Variants in EYS observed in about 807,000 individuals in gnomAD.
The protein encoded by EYS is EGF-like photoreceptor maintenance factor.
In EYS, 250 loss-of-function variants were observed where a neutral mutation model predicts 282.1. The ratio of observed to expected loss-of-function variants is 0.89; its 90% confidence interval spans 0.80 to 0.98. The LOEUF is 0.98. EYS is among the 50% of genes least tolerant of loss of function. The probability of loss-of-function intolerance (pLI) is 0.00; values close to 1 mark genes in which losing one functional copy is unlikely to be tolerated. For synonymous variants in EYS, 1,355 were observed against 1,282.9 expected (o/e 1.06, Z -1.20); for missense variants, 4,016 against 3,709.0 (o/e 1.08, Z -2.15).
intron 26 of EYS, among the ~76,000 whole-genome samples, chr6:64,493,600 C>G (rs1401528916): frequency 6.6e-6 from 1 of 151,516 alleles, no homozygotes; most frequent in Middle Eastern, 3.2e-3. Context: ...GAATGTTCTC[C>G]TCCCTTTTGT....
chr6:65,253,269 C>T (rs1424221200), intron 12 of EYS, among the ~76,000 whole-genome samples: 2 of 151,960 alleles, frequency 1.3e-5, no homozygotes, highest in African/African-American at 2.4e-5. Context: ...TAATCTATTC[C>T]AATCTGCCAG....
intron 31 of EYS, among the ~76,000 whole-genome samples, chr6:64,098,640 G>A (rs140210386): frequency 0.042 from 6,163 of 147,578 alleles, 379 homozygotes; most frequent in African/African-American, 0.14. Context: ...TTGCTCTGTC[G>A]CCCAGGCTGG....
At chr6:65,324,658 C>T (rs1769569646) in intron 11 of EYS, among the ~76,000 whole-genome samples, 1 of 152,202 alleles carries the variant, frequency 6.6e-6, no homozygotes, top group African/African-American at 2.4e-5. Context: ...AGTGAATTCA[C>T]AAGAAAGAGG....
intron 22 of EYS, among the ~76,000 whole-genome samples, chr6:64,714,040 C>A (rs1052777972): frequency 6.6e-6 from 1 of 152,068 alleles, no homozygotes; most frequent in South Asian, 2.1e-4. Context: ...TAATAGCAAG[C>A]TAAATATGTT....
intron 11 of EYS, among the ~76,000 whole-genome samples, chr6:65,324,525 G>C (rs1769565681): frequency 6.6e-6 from 1 of 152,178 alleles, no homozygotes; most frequent in Admixed American, 6.5e-5. Flanking sequence ...CGCTTGCCTT[G>C]CTGAGATTAG....
intron 22 of EYS, among the ~76,000 whole-genome samples, chr6:64,723,110 T>C (rs1253800827): frequency 6.6e-6 from 1 of 151,160 alleles, no homozygotes; most frequent in Non-Finnish European, 1.5e-5. Context: ...GAAACTGGTT[T>C]AAGAACACAC....
chr6:63,811,909 C>T (rs1771056843), intron 36 of EYS, among the ~76,000 whole-genome samples: 1 of 152,142 alleles, frequency 6.6e-6, no homozygotes, highest in Admixed American at 6.5e-5. Context: ...AAATATATCC[C>T]AAATTACACT....
At chr6:64,506,335 T>C (rs1194796193) in intron 26 of EYS, among the ~76,000 whole-genome samples, 1 of 152,120 alleles carries the variant, frequency 6.6e-6, no homozygotes, top group African/African-American at 2.4e-5. Context: ...GCTGAAAAAG[T>C]TAAATTTAAA....
At chr6:64,294,895 T>G (rs1483957737) in intron 30 of EYS, among the ~76,000 whole-genome samples, 1 of 152,190 alleles carries the variant, frequency 6.6e-6, no homozygotes, top group Non-Finnish European at 1.5e-5. Flanking sequence ...AAGGGGGGTA[T>G]GCATAATGTA....
At chr6:64,059,403 TAC>T (rs1364128256) in intron 33 of EYS, among the ~76,000 whole-genome samples, 1 of 152,202 alleles carries the variant, frequency 6.6e-6, no homozygotes, top group Non-Finnish European at 1.5e-5. Flanking sequence ...CAAATGTGAT[TAC>T]AGAGTCAAGT....
At chr6:64,570,669 A>G (rs1765695892) in intron 26 of EYS, among the ~76,000 whole-genome samples, 1 of 152,164 alleles carries the variant, frequency 6.6e-6, no homozygotes, top group South Asian at 2.1e-4. Context: ...ACCAACAAAG[A>G]TCAAAAAAGA....
chr6:64,321,580 C>T (rs1054680986), intron 29 of EYS, among the ~76,000 whole-genome samples: 1 of 151,778 alleles, frequency 6.6e-6, no homozygotes, highest in Non-Finnish European at 1.5e-5. Flanking sequence ...ATATTCCATG[C>T]TATGAATATT....
chr6:64,142,635 G>A (rs1337039329), intron 31 of EYS, among the ~76,000 whole-genome samples: 1 of 152,138 alleles, frequency 6.6e-6, no homozygotes, highest in Non-Finnish European at 1.5e-5. Flanking sequence ...AAGGAGTCAT[G>A]ATCAACCTTA....
At chr6:64,961,381 A>C (rs990634301) in intron 14 of EYS, among the ~76,000 whole-genome samples, 6 of 152,140 alleles carry the variant, frequency 3.9e-5, no homozygotes, top group Non-Finnish European at 7.4e-5. Flanking sequence ...ATATAAGTAA[A>C]TGAAATCCTA....
chr6:63,834,118 C>T (rs1771729744), intron 36 of EYS, among the ~76,000 whole-genome samples: 1 of 152,148 alleles, frequency 6.6e-6, no homozygotes, highest in Admixed American at 6.6e-5. Flanking sequence ...TAGAAGAAAA[C>T]CTAGGCAATA....
At chr6:65,012,820 A>AC (rs1210207242) in intron 13 of EYS, among the ~76,000 whole-genome samples, 1 of 150,650 alleles carries the variant, frequency 6.6e-6, no homozygotes, top group African/African-American at 2.4e-5. Context: ...CAAAAAAAAA[A>AC]AAAAAATGAA....
At chr6:65,619,546 T>A (rs974763551) in intron 2 of EYS, among the ~76,000 whole-genome samples, 70 of 152,314 alleles carry the variant, frequency 4.6e-4, no homozygotes, top group African/African-American at 1.7e-3. Context: ...ACCCTTTATT[T>A]CCTTCCACTG....
At chr6:63,735,312 AAT>A (rs1768881007) in intron 41 of EYS, among the ~76,000 whole-genome samples, 1 of 152,104 alleles carries the variant, frequency 6.6e-6, no homozygotes, top group Admixed American at 6.6e-5. Context: ...TAATAATGGA[AAT>A]ATAATTTTTT....
chr6:65,264,301 A>G (rs1767695382), intron 12 of EYS, among the ~76,000 whole-genome samples: 1 of 152,124 alleles, frequency 6.6e-6, no homozygotes, highest in Admixed American at 6.6e-5. Context: ...GCTAATTAAC[A>G]TTTCTTCTGT....
Sources: gnomAD v4.1 joint callset for allele counts (sites outside exome capture counted in the v4.1 genomes callset) on GRCh38, gnomAD v4.1.1 for gene constraint, MANE v1.5 for transcripts, NCBI Gene and HGNC (gene_info 2026-07-23, HGNC 2026-07-21) for gene names.